DNER: variants seen among roughly 807,000 people sequenced by gnomAD.
DNER encodes delta and Notch-like epidermal growth factor-related receptor.
A neutral mutation model predicts 78.2 loss-of-function variants in DNER; 33 were observed. The ratio of observed to expected loss-of-function variants is 0.42; its 90% CI spans 0.32 to 0.56. The LOEUF (loss-of-function observed/expected upper bound fraction) is 0.56, where lower values mean the gene tolerates loss of function less well. Ranked by LOEUF, DNER falls within the 20% of genes least tolerant of loss-of-function variation. The probability of loss-of-function intolerance (pLI) is 0.11; values close to 1 mark genes in which losing one functional copy is unlikely to be tolerated. For missense variants in DNER, 918 were observed against 975.3 expected, an observed-to-expected ratio of 0.94 and a Z score of 0.78; for synonymous variants, 417 against 384.8, an observed-to-expected ratio of 1.08 and a Z score of -0.98.
intron 10 of DNER, among the ~76,000 whole-genome samples, chr2:229,400,069 A>G (rs1693235286): frequency 1.3e-5 from 2 of 152,064 alleles, no homozygotes; most frequent in African/African-American, 4.8e-5. Context: ...AACAATTCTG[A>G]TACTGCTATA....
chr2:229,403,922 A>G (rs1693325460), intron 10 of DNER, among the ~76,000 whole-genome samples: 1 of 152,142 alleles, frequency 6.6e-6, no homozygotes, highest in African/African-American at 2.4e-5. Context: ...AGATTATGTT[A>G]AGGACTTTGA....
chr2:229,619,784 T>G (rs1339877094), intron 1 of DNER, among the ~76,000 whole-genome samples: 2 of 152,324 alleles, frequency 1.3e-5, no homozygotes, highest in African/African-American at 4.8e-5. Flanking sequence ...GGTACTATAT[T>G]TTAAATAATT....
chr2:229,426,782 C>T (rs1693888278), intron 8 of DNER, among the ~76,000 whole-genome samples: 1 of 152,300 alleles, frequency 6.6e-6, no homozygotes, highest in South Asian at 2.1e-4. Flanking sequence ...CAGATGCTCT[C>T]GTTTAAACGA....
rs546593363 is a variant in DNER, at chr2:229,517,026, G to A, written c.994-4090C>T. ...CTCAGGAGGCTGAGGCAGGAGAATC[G>A]CTTGAACCCAAGAGGCAGAGGATGC... On this transcript the variant is annotated intron_variant, in intron 5 of 12. Coordinates refer to ENST00000341772, the MANE Select transcript of DNER (RefSeq NM_139072.4). Among the ~76,000 whole-genome samples, 65 of 148,276 alleles carry A rather than the reference G, an allele frequency of 4.4e-4. No individual in the cohort carries two copies. The South Asian group carries it at 8.5e-3, about 19-fold the overall frequency.
At chr2:229,510,687 C>T (rs1695848982) in intron 6 of DNER, among the ~76,000 whole-genome samples, 1 of 152,046 alleles carries the variant, frequency 6.6e-6, no homozygotes, top group Non-Finnish European at 1.5e-5. Flanking sequence ...ACGATGAGTT[C>T]AGTTTGGAGA....
In DNER at chr2:229,701,461, T is replaced by C. The variant is rs115875001; in HGVS notation, c.276+12687A>G. Among the ~76,000 whole-genome samples, 1,499 of 152,338 alleles carry C rather than the reference T, an allele frequency of 9.8e-3. 6 individuals carry two copies. The highest frequency in any genetic ancestry group is 0.016 in the Non-Finnish European group (1,057 of 68,028). ...GACACACTTATACAAAAAATGCTCA[T>C]TGTTTATCTGAAATTCCAATTTAAC... On this transcript the variant is annotated intron_variant, in intron 1 of 12. Coordinates refer to ENST00000341772, the MANE Select transcript of DNER (RefSeq NM_139072.4).
chr2:229,527,439 T>C (rs940176464), intron 5 of DNER, among the ~76,000 whole-genome samples: 3 of 152,238 alleles, frequency 2.0e-5, no homozygotes, highest in Non-Finnish European at 4.4e-5. Flanking sequence ...GTTCCAGTTT[T>C]AGTAATAGAT....
At chr2:229,538,358 T>C (rs908849371) in intron 5 of DNER, among the ~76,000 whole-genome samples, 7 of 152,160 alleles carry the variant, frequency 4.6e-5, no homozygotes, top group Admixed American at 2.6e-4. Flanking sequence ...CCTCATCTCT[T>C]AGAAAAATGT....
At chr2:229,406,777 G>A (rs1693394161) in intron 10 of DNER, among the ~76,000 whole-genome samples, 2 of 151,798 alleles carry the variant, frequency 1.3e-5, no homozygotes, top group African/African-American at 4.8e-5. Context: ...GGAGAAGCCA[G>A]TCCTGCCCCG....
chr2:229,365,604 T>C (rs143013890), intron 12 of DNER, among the ~76,000 whole-genome samples: 283 of 151,022 alleles, frequency 1.9e-3, no homozygotes, highest in Admixed American at 0.014. Flanking sequence ...GCCTGGCTAA[T>C]TTTTGTATTT....
chr2:229,590,866 G>C (rs1389489751), intron 2 of DNER, among the ~76,000 whole-genome samples: 2 of 152,196 alleles, frequency 1.3e-5, no homozygotes, highest in Non-Finnish European at 2.9e-5. Flanking sequence ...AGATGTTTGG[G>C]CCATGGGGGC....
chr2:229,520,436 T>C (rs564139400), intron 5 of DNER, among the ~76,000 whole-genome samples: 45 of 152,280 alleles, frequency 3.0e-4, no homozygotes, highest in African/African-American at 1.0e-3. Context: ...TTGATTTCCA[T>C]CGTGAGCCAG....
intron 1 of DNER, among the ~76,000 whole-genome samples, chr2:229,619,433 A>T (rs182837790): frequency 6.6e-6 from 1 of 152,208 alleles, no homozygotes; most frequent in Non-Finnish European, 1.5e-5. Context: ...GCAGAGAGAC[A>T]TCTGGCTTGG....
intron 1 of DNER, among the ~76,000 whole-genome samples, 197 bp downstream of exon 1, chr2:229,713,951 A>G (rs911823111): frequency 3.9e-5 from 6 of 152,018 alleles, no homozygotes; most frequent in Non-Finnish European, 7.4e-5. Context: ...CCGCCCGGGA[A>G]CCAGGGCGGG....
At chr2:229,392,881 AT>A (rs761049807) in intron 10 of DNER, among the ~76,000 whole-genome samples, 1 of 152,130 alleles carries the variant, frequency 6.6e-6, no homozygotes, top group Non-Finnish European at 1.5e-5. Context: ...CAACAACTTA[AT>A]CCACAATGAC....
At chr2:229,457,359 T>C (rs774352603) in intron 7 of DNER, among the ~76,000 whole-genome samples, 2 of 152,000 alleles carry the variant, frequency 1.3e-5, no homozygotes, top group Non-Finnish European at 2.9e-5. Context: ...GGAATATACA[T>C]AACAAGAGAA....
intron 7 of DNER, among the ~76,000 whole-genome samples, chr2:229,462,473 C>A (rs1694723549): frequency 6.6e-6 from 1 of 152,084 alleles, no homozygotes; most frequent in African/African-American, 2.4e-5. Context: ...TTTTTCTTCT[C>A]TGAACCCCCA....
intron 10 of DNER, among the ~76,000 whole-genome samples, chr2:229,404,187 G>A (rs1211154507): frequency 6.6e-6 from 1 of 151,988 alleles, no homozygotes; most frequent in Non-Finnish European, 1.5e-5. Context: ...ATGGAGGTAA[G>A]AGGGAAAAAG....
chr2:229,546,929 T>C lies in DNER; in HGVS notation c.993+18A>G, dbSNP rs1696640144. Reference sequence around the variant, plus strand: ...CATGTAAATATGTGTATTTACAAGCTACCAGGCATCCCCTTACCTCTGACG... The same window carrying C: ...CATGTAAATATGTGTATTTACAAGCCACCAGGCATCCCCTTACCTCTGACG... On this transcript the variant is annotated intron_variant, in intron 5 of 12. Coordinates refer to ENST00000341772, the MANE Select transcript of DNER (RefSeq NM_139072.4). 6.2e-7 allele frequency: 1 copy of C among 1,613,988 alleles called. No individual in the cohort carries two copies. The highest frequency in any genetic ancestry group is 8.5e-7 in the Non-Finnish European group (1 of 1,179,954).
Sources: allele counts gnomAD v4.1 joint callset (sites outside exome capture counted in the v4.1 genomes callset), GRCh38; gene constraint gnomAD v4.1.1; transcripts MANE v1.5; gene names NCBI Gene and HGNC (gene_info 2026-07-23, HGNC 2026-07-21).